NFIA: variants seen among roughly 807,000 people sequenced by gnomAD.
NFIA encodes nuclear factor I A.
A neutral mutation model predicts 62.8 loss-of-function variants in NFIA; 8 were observed. The observed-to-expected ratio is 0.13, with a 90% CI of 0.07 to 0.23. The LOEUF (loss-of-function observed/expected upper bound fraction) is 0.23. Ranked by LOEUF, NFIA falls within the 10% of genes least tolerant of loss-of-function variation. The probability of loss-of-function intolerance (pLI) is 1.00; values close to 1 mark genes in which losing one functional copy is unlikely to be tolerated. For synonymous variants in NFIA, 235 were observed against 238.1 expected, an observed-to-expected ratio of 0.99 and a Z score of 0.12; for missense variants, 410 against 642.1, an observed-to-expected ratio of 0.64 and a Z score of 3.91.
intron 2 of NFIA, among the ~76,000 whole-genome samples, chr1:61,148,168 A>G (rs1648141145): frequency 6.6e-6 from 1 of 152,156 alleles, no homozygotes; most frequent in Admixed American, 6.5e-5. Context: ...CTAATGTAGT[A>G]GGTACTCATT....
At chr1:61,281,099 G>T (rs1658099611) in intron 3 of NFIA, among the ~76,000 whole-genome samples, 1 of 151,886 alleles carries the variant, frequency 6.6e-6, no homozygotes, top group Admixed American at 6.6e-5. Flanking sequence ...AATTAGCCAG[G>T]CATAGTGGCA....
chr1:61,403,384 A>G (rs1035257131), intron 7 of NFIA, among the ~76,000 whole-genome samples: 3 of 152,264 alleles, frequency 2.0e-5, no homozygotes, highest in African/African-American at 7.2e-5. Flanking sequence ...CCAGGGTTCA[A>G]ATGTAAGGGA....
At chr1:61,207,974 C>CTTTTT (rs11444962) in intron 2 of NFIA, among the ~76,000 whole-genome samples, 18 of 115,396 alleles carry the variant, frequency 1.6e-4, no homozygotes, top group African/African-American at 3.2e-4. Flanking sequence ...TGCACTGAAC[C>CTTTTT]TTTTTTTTTT....
intron 2 of NFIA, among the ~76,000 whole-genome samples, chr1:61,147,406 C>T (rs573166354): frequency 1.1e-4 from 16 of 152,214 alleles, no homozygotes; most frequent in Non-Finnish European, 1.5e-4. Context: ...CCGCCTCGGC[C>T]TCCCGAAGTG....
At chr1:61,382,691 G>A (rs184211107) in intron 6 of NFIA, among the ~76,000 whole-genome samples, 30 of 152,124 alleles carry the variant, frequency 2.0e-4, no homozygotes, top group Admixed American at 1.4e-3. Flanking sequence ...CCCAATTGTA[G>A]GGCATTTAAG....
chr1:61,082,838 C>G lies in NFIA; in HGVS notation c.27+20C>G. On this transcript the variant is annotated intron_variant, in intron 1 of 10. Transcript: ENST00000403491. ...ACCCAGGTAAGCCGCGGCGTGGATGCGGAGGGCTTGGGGGCCGGGGCGCCG... is the reference window on the plus strand; with the variant it reads ...ACCCAGGTAAGCCGCGGCGTGGATGGGGAGGGCTTGGGGGCCGGGGCGCCG... 6.8e-7 allele frequency: 1 copy of G among 1,467,754 alleles called. No homozygotes were observed. Among genetic ancestry groups the G allele is most frequent in the East Asian group, 3.1e-5 (1 of 32,098 alleles). The allele number at this position is 1,467,754 out of a possible 1,614,324, so 90.9% of individuals were successfully genotyped here. A position where few individuals can be genotyped will look rare whatever the true frequency, so the allele number is the denominator to read the frequency against.
intron 2 of NFIA, among the ~76,000 whole-genome samples, chr1:61,222,771 A>T (rs1351557506): frequency 6.6e-6 from 1 of 152,072 alleles, no homozygotes; most frequent in Admixed American, 6.5e-5. Flanking sequence ...TATATGTAAG[A>T]TATGTATATC....
chr1:61,246,245 C>T (rs1655642806), intron 2 of NFIA, among the ~76,000 whole-genome samples: 1 of 152,054 alleles, frequency 6.6e-6, no homozygotes, highest in South Asian at 2.1e-4. Context: ...CAAGTATTAC[C>T]ATTTCCAGGA....
chr1:61,135,906 A>G (rs1471751244), intron 2 of NFIA, among the ~76,000 whole-genome samples: 2 of 152,166 alleles, frequency 1.3e-5, no homozygotes, highest in African/African-American at 4.8e-5. Flanking sequence ...CTGAAAGAAT[A>G]TATGTAGTCT....
chr1:61,144,224 C>T lies in NFIA; in HGVS notation c.559+55544C>T, dbSNP rs183037869. 3.7e-4 allele frequency among the ~76,000 whole-genome samples: 56 copies of T among 152,246 alleles called. 1 individual carries two copies. Among genetic ancestry groups the T allele is most frequent in the African/African-American group, 1.3e-3 (55 of 41,536 alleles). ...ACTTGTTAGCAGTGCAAATGTTGGT[C>T]CCCACCCCCGACTTACTCAGTGAGA... On this transcript the variant is annotated intron_variant, in intron 2 of 10. Transcript: ENST00000403491.
chr1:61,098,989 A>G (rs972202395), intron 2 of NFIA, among the ~76,000 whole-genome samples: 1 of 152,180 alleles, frequency 6.6e-6, no homozygotes, highest in Non-Finnish European at 1.5e-5. Context: ...CCAAAATGTT[A>G]TGGTTGAAGA....
intron 2 of NFIA, among the ~76,000 whole-genome samples, chr1:61,231,938 T>G (rs1654702451): frequency 6.6e-6 from 1 of 152,168 alleles, no homozygotes; most frequent in East Asian, 1.9e-4. Flanking sequence ...ATCATCTATT[T>G]TATAGATAAG....
At chr1:61,371,879 G>A (rs1293595587) in intron 6 of NFIA, among the ~76,000 whole-genome samples, 1 of 152,092 alleles carries the variant, frequency 6.6e-6, no homozygotes, top group Admixed American at 6.6e-5. Flanking sequence ...TTTTTATCTT[G>A]TCTAAAGACC....
chr1:61,168,859 G>T (rs1649757529), intron 2 of NFIA, among the ~76,000 whole-genome samples: 2 of 152,096 alleles, frequency 1.3e-5, no homozygotes, highest in Admixed American at 1.3e-4. Flanking sequence ...CAACTTATCA[G>T]CATTTCCTTT....
intron 10 of NFIA, among the ~76,000 whole-genome samples, chr1:61,451,362 A>T (rs1384481244): frequency 1.3e-5 from 2 of 152,238 alleles, no homozygotes; most frequent in Non-Finnish European, 1.5e-5. Flanking sequence ...GTTTTGCATT[A>T]CATGAGTTGA....
chr1:61,365,906 G>T (rs750701670), intron 6 of NFIA, among the ~76,000 whole-genome samples: 14 of 152,234 alleles, frequency 9.2e-5, no homozygotes, highest in Non-Finnish European at 2.1e-4. Context: ...GCTGAGGGTA[G>T]TTGAAAGCAG....
In NFIA at chr1:61,455,160, T is replaced by C. The variant is rs1211292022; in HGVS notation, c.1513-143T>C. The C allele has an allele frequency of 4.2e-6, 3 of 710,564 alleles. No homozygotes were observed. In the African/African-American group the frequency reaches 5.4e-5, roughly 13 times the overall value. 44.0% of individuals were successfully genotyped at this position (710,564 alleles called of 1,614,324 possible). A position where few individuals can be genotyped will look rare whatever the true frequency, so the allele number is the denominator to read the frequency against. Reference sequence around the variant, plus strand: ...GTTTCAGTGTCACAGGATTTTTTATTGTCTGTCGTGCCTTTACTTTTCCCA... The same window carrying C: ...GTTTCAGTGTCACAGGATTTTTTATCGTCTGTCGTGCCTTTACTTTTCCCA... On this transcript the variant is annotated intron_variant, in intron 10 of 10. Transcript: ENST00000403491.
intron 7 of NFIA, among the ~76,000 whole-genome samples, chr1:61,403,685 T>C (rs1665678946): frequency 6.6e-6 from 1 of 152,260 alleles, no homozygotes; most frequent in African/African-American, 2.4e-5. Context: ...CAATGAATTA[T>C]TGTCTATGGA....
chr1:61,210,603 A>G (rs924599050), intron 2 of NFIA, among the ~76,000 whole-genome samples: 1 of 152,100 alleles, frequency 6.6e-6, no homozygotes, highest in Non-Finnish European at 1.5e-5. Flanking sequence ...TGCATCTCTG[A>G]CAGTTCTCAT....
Sources: gnomAD v4.1 joint callset for allele counts (sites outside exome capture counted in the v4.1 genomes callset) on GRCh38, gnomAD v4.1.1 for gene constraint, MANE v1.5 for transcripts, NCBI Gene and HGNC (gene_info 2026-07-23, HGNC 2026-07-21) for gene names.